Variants in EPB41L4A observed in about 807,000 individuals in gnomAD.
The protein encoded by EPB41L4A is band 4.1-like protein 4A.
Under a neutral mutation model 108.6 loss-of-function variants are expected in EPB41L4A, and 100 were observed. The ratio of observed to expected loss-of-function variants is 0.92; its 90% CI spans 0.78 to 1.09. The LOEUF is 1.09. Ranked by LOEUF, EPB41L4A falls within the 50% of genes least tolerant of loss-of-function variation. EPB41L4A has a pLI of 0.00. For missense variants in EPB41L4A, 1,030 were observed against 842.7 expected, an observed-to-expected ratio of 1.22 and a Z score of -2.75; for synonymous variants, 319 against 289.0, an observed-to-expected ratio of 1.10 and a Z score of -1.05.
At chr5:112,229,133 TA>T (rs1748682807) in intron 12 of EPB41L4A, among the ~76,000 whole-genome samples, 1 of 152,232 alleles carries the variant, frequency 6.6e-6, no homozygotes. Context: ...TCATTTAGTA[TA>T]AATTAATGAT....
At chr5:112,359,121 A>C (rs576965030) in intron 1 of EPB41L4A, among the ~76,000 whole-genome samples, 185 of 152,322 alleles carry the variant, frequency 1.2e-3, no homozygotes, top group Non-Finnish European at 2.4e-3. Context: ...TTACACAACT[A>C]TATCTATATG....
At chr5:112,347,402 T>G (rs937528409) in intron 1 of EPB41L4A, among the ~76,000 whole-genome samples, 8 of 152,218 alleles carry the variant, frequency 5.3e-5, no homozygotes, top group African/African-American at 1.9e-4. Flanking sequence ...AATTCCCCAG[T>G]GTTGATCATT....
At chr5:112,392,381 T>G (rs1254580151) in intron 1 of EPB41L4A, among the ~76,000 whole-genome samples, 4 of 108,912 alleles carry the variant, frequency 3.7e-5, no homozygotes, top group Middle Eastern at 8.6e-3. Context: ...TGGAGGAAGA[T>G]CTACCAAGCA....
chr5:112,355,822 C>T (rs1758328196), intron 1 of EPB41L4A, among the ~76,000 whole-genome samples: 1 of 152,122 alleles, frequency 6.6e-6, no homozygotes, highest in Non-Finnish European at 1.5e-5. Flanking sequence ...CTCAGAGAAT[C>T]CTTACTTTTC....
At chr5:112,250,145 TCAC>T (rs1198038981) in intron 9 of EPB41L4A, among the ~76,000 whole-genome samples, 2 of 152,170 alleles carry the variant, frequency 1.3e-5, no homozygotes, top group African/African-American at 4.8e-5. Flanking sequence ...CATGTATACT[TCAC>T]AGTGTAAAAA....
chr5:112,167,711 T>C (rs890570897), intron 22 of EPB41L4A, among the ~76,000 whole-genome samples: 3 of 152,158 alleles, frequency 2.0e-5, no homozygotes, highest in Non-Finnish European at 4.4e-5. Flanking sequence ...AAACCCGTCT[T>C]TGACTTTCTC....
At chr5:112,162,179 T>A (rs950683706), downstream of EPB41L4A, 1 of 152,312 alleles carries the variant, frequency 6.6e-6, no homozygotes, top group Non-Finnish European at 1.5e-5. Flanking sequence ...TTTGAAAATT[T>A]GATCTTCACA....
At position 112,410,103 on chromosome 5, in the gene EPB41L4A, A is replaced by T. The variant is rs150289387; in HGVS notation, c.99+8838T>A. Among the ~76,000 whole-genome samples the T allele has an allele frequency of 7.7e-4, 118 of 152,340 alleles. 2 individuals are homozygous for T. The East Asian group carries it at 0.019, about 24-fold the overall frequency. On this transcript the variant is annotated intron_variant, in intron 1 of 22. Transcript: ENST00000261486. ...TGAAACCTAGGCAGAACTCTCCTTC[A>T]TGAGAGCTGATACATCACTCAAACA...
intron 1 of EPB41L4A, among the ~76,000 whole-genome samples, chr5:112,371,218 T>C (rs1425089545): frequency 6.6e-6 from 1 of 152,234 alleles, no homozygotes; most frequent in Non-Finnish European, 1.5e-5. Context: ...CTAGCATTTC[T>C]ACTACTGTTA....
chr5:112,195,919 G>A (rs1160284477), intron 15 of EPB41L4A, among the ~76,000 whole-genome samples: 1 of 152,154 alleles, frequency 6.6e-6, no homozygotes, highest in Non-Finnish European at 1.5e-5. Context: ...CACTCTAGTG[G>A]AACCTGCAAA....
At chr5:112,368,502 A>G (rs1350620516) in intron 1 of EPB41L4A, among the ~76,000 whole-genome samples, 2 of 151,990 alleles carry the variant, frequency 1.3e-5, no homozygotes, top group African/African-American at 2.4e-5. Flanking sequence ...AAGTCTTTCC[A>G]GCTACCACCC....
chr5:112,291,609 C>G (rs1753648739), intron 2 of EPB41L4A, among the ~76,000 whole-genome samples: 1 of 152,148 alleles, frequency 6.6e-6, no homozygotes, highest in Non-Finnish European at 1.5e-5. Context: ...AAGACCTTTC[C>G]CTGTGTTCAT....
intron 22 of EPB41L4A, 134 bp from the exon 23 acceptor site, chr5:112,165,252 C>G: frequency 1.5e-6 from 1 of 666,610 alleles, no homozygotes; most frequent in Non-Finnish European, 2.5e-6. Context: ...ATACCAAAAG[C>G]TATTCAATAA....
intron 9 of EPB41L4A, among the ~76,000 whole-genome samples, chr5:112,248,883 A>G (rs997382993): frequency 7.2e-5 from 11 of 152,202 alleles, no homozygotes; most frequent in African/African-American, 2.4e-4. Context: ...CAAGAATGCA[A>G]TCCTGTACTC....
chr5:112,229,550 TCCCTCACC>T (rs1231952170), intron 12 of EPB41L4A, among the ~76,000 whole-genome samples: 1 of 152,128 alleles, frequency 6.6e-6, no homozygotes, highest in African/African-American at 2.4e-5. Flanking sequence ...TAGTCTTTTA[TCCCTCACC>T]CCCTCCTACC....
chr5:112,344,095 ATAT>A (rs1757490512), intron 1 of EPB41L4A, among the ~76,000 whole-genome samples: 2 of 152,194 alleles, frequency 1.3e-5, no homozygotes, highest in Admixed American at 6.5e-5. Flanking sequence ...ATATTTGATA[ATAT>A]TATAGGAATT....
intron 1 of EPB41L4A, among the ~76,000 whole-genome samples, chr5:112,339,598 A>C (rs1248806443): frequency 6.7e-6 from 1 of 149,888 alleles, no homozygotes; most frequent in Non-Finnish European, 1.5e-5. Flanking sequence ...CAGTGGCCTG[A>C]TATCGGCTCA....
At chr5:112,216,882 T>C (rs1452233246) in intron 12 of EPB41L4A, among the ~76,000 whole-genome samples, 1 of 152,202 alleles carries the variant, frequency 6.6e-6, no homozygotes, top group Non-Finnish European at 1.5e-5. Flanking sequence ...TATAGCAAAT[T>C]AGCAAAATAA....
At chr5:112,243,286 T>C (rs541297585) in intron 9 of EPB41L4A, among the ~76,000 whole-genome samples, 1 of 130,520 alleles carries the variant, frequency 7.7e-6, no homozygotes, top group African/African-American at 2.7e-5. Flanking sequence ...TATATATATA[T>C]ATATATTTTG....
Sources: gnomAD v4.1 joint callset for allele counts (sites outside exome capture counted in the v4.1 genomes callset) on GRCh38, gnomAD v4.1.1 for gene constraint, MANE v1.5 for transcripts, NCBI Gene and HGNC (gene_info 2026-07-23, HGNC 2026-07-21) for gene names.